Variants in TLE4 observed in about 807,000 individuals in gnomAD.
TLE4 encodes transducin-like enhancer protein 4.
Under a neutral mutation model 92.8 loss-of-function variants are expected in TLE4, and 8 were observed. That is an observed-to-expected ratio of 0.09 (90% CI 0.05 to 0.16). TLE4 has a LOEUF of 0.16. TLE4 is among the 10% of genes least tolerant of loss of function. The pLI is 1.00. For synonymous variants in TLE4, 371 were observed against 374.1 expected, an observed-to-expected ratio of 0.99 and a Z score of 0.10; for missense variants, 675 against 997.6, an observed-to-expected ratio of 0.68 and a Z score of 4.36.
intron 6 of TLE4, among the ~76,000 whole-genome samples, chr9:79,630,723 T>C (rs996724665): frequency 6.6e-6 from 1 of 152,220 alleles, no homozygotes; most frequent in Non-Finnish European, 1.5e-5. Flanking sequence ...TATTATTAAA[T>C]TGAGTCACCT....
intron 10 of TLE4, 136 bp from the exon 11 acceptor site, chr9:79,706,611 G>A: frequency 8.9e-7 from 1 of 1,119,292 alleles, no homozygotes; most frequent in Non-Finnish European, 1.2e-6. Context: ...GTTTCAGTGA[G>A]TATTGTTATC....
chr9:79,695,349 T>TCACA (rs66493129), intron 8 of TLE4, among the ~76,000 whole-genome samples: 4,531 of 41,112 alleles, frequency 0.11, 100 homozygotes, highest in Non-Finnish European at 0.19. Flanking sequence ...CAAATGCATA[T>TCACA]CTCACACACA....
intron 8 of TLE4, among the ~76,000 whole-genome samples, chr9:79,670,231 A>G (rs2062068414): frequency 6.6e-6 from 1 of 152,124 alleles, no homozygotes; most frequent in Non-Finnish European, 1.5e-5. Flanking sequence ...TGAGAAGACA[A>G]TAAGGCAAGA....
intron 6 of TLE4, among the ~76,000 whole-genome samples, chr9:79,645,710 C>A (rs2134031485): frequency 6.6e-6 from 1 of 152,240 alleles, no homozygotes; most frequent in South Asian, 2.1e-4. Context: ...TTTCAGACAT[C>A]ATTGCTATTT....
intron 6 of TLE4, among the ~76,000 whole-genome samples, chr9:79,641,755 T>C (rs987953932): frequency 4.6e-5 from 7 of 152,268 alleles, no homozygotes; most frequent in African/African-American, 1.4e-4. Flanking sequence ...AGGGTCCTAA[T>C]TGGGCAGCAG....
chr9:79,636,722 C>T (rs1405394307), intron 6 of TLE4, among the ~76,000 whole-genome samples: 1 of 152,136 alleles, frequency 6.6e-6, no homozygotes, highest in Non-Finnish European at 1.5e-5. Flanking sequence ...CGTCATTGCA[C>T]TTACCATTGA....
intron 6 of TLE4, chr9:79,649,916 G>GTTTTTT: frequency 1.1e-5 from 14 of 1,318,428 alleles, no homozygotes; most frequent in Non-Finnish European, 1.4e-5. Context: ...TTTGTTTTTT[G>GTTTTTT]TTTTTTGTTT....
At chr9:79,597,234 T>C (rs1028700239) in intron 4 of TLE4, among the ~76,000 whole-genome samples, 3 of 152,184 alleles carry the variant, frequency 2.0e-5, no homozygotes, top group Non-Finnish European at 2.9e-5. Context: ...CTAGAGGCTA[T>C]GGTGGTCTCC....
chr9:79,643,201 A>G (rs1034783852), intron 6 of TLE4, among the ~76,000 whole-genome samples: 3 of 152,210 alleles, frequency 2.0e-5, no homozygotes, highest in African/African-American at 4.8e-5. Context: ...CGGTTAACGT[A>G]TCGTCACTTT....
chr9:79,725,190 T>C lies in TLE4; in HGVS notation c.*46T>C, dbSNP rs772018176. 1.3e-5 allele frequency: 19 copies of C among 1,412,568 alleles called. No individual in the cohort carries two copies. The highest frequency in any genetic ancestry group is 1.9e-5 in the Non-Finnish European group (19 of 1,000,044). 87.5% of individuals were successfully genotyped at this position (1,412,568 alleles called of 1,614,324 possible). A position where few individuals can be genotyped will look rare whatever the true frequency, so the allele number is the denominator to read the frequency against. On this transcript the variant is annotated 3_prime_UTR_variant, in exon 20 of 20. Coordinates refer to ENST00000376552, the MANE Select transcript of TLE4 (RefSeq NM_007005.6). ...TGGACTTCTCCTCCTGGTAGCACTTTGCTCTGTCATCCTTTTTGTTCACCC... is the reference window on the plus strand; with the variant it reads ...TGGACTTCTCCTCCTGGTAGCACTTCGCTCTGTCATCCTTTTTGTTCACCC...
rs547212156 is a variant in TLE4, at chr9:79,687,806, A to G, written c.610-16977A>G. Among the ~76,000 whole-genome samples, 332 of 152,326 alleles carry G rather than the reference A, an allele frequency of 2.2e-3. 1 individual carries two copies. The highest frequency in any genetic ancestry group is 3.4e-3 in the Middle Eastern group (1 of 294). On this transcript the variant is annotated intron_variant, in intron 8 of 19. Transcript: ENST00000376552. ...AACTATCAGCCCTTTGTGACCTTGC[A>G]TGAGTTACTTCGTCCCCTAGGATTC...
chr9:79,573,401 C>T lies in TLE4; in HGVS notation c.46-288C>T, dbSNP rs746090136. On this transcript the variant is annotated intron_variant, in intron 1 of 19. Coordinates refer to ENST00000376552, the MANE Select transcript of TLE4 (RefSeq NM_007005.6). ...GAGGGAGTGGGCGCGGCGCGCGGGT[C>T]CCTGGGTGCCTGTCTTTGGCCGGGG... 15 of 1,194,070 alleles carry T rather than the reference C, an allele frequency of 1.3e-5. No individual in the cohort carries two copies. In the South Asian group the frequency reaches 2.7e-4, roughly 22 times the overall value. The allele number at this position is 1,194,070 out of a possible 1,614,324, so 74.0% of individuals were successfully genotyped here.
At chr9:79,707,383 G>A (rs907003493) in intron 11 of TLE4, among the ~76,000 whole-genome samples, 2 of 152,148 alleles carry the variant, frequency 1.3e-5, no homozygotes, top group African/African-American at 4.8e-5. Context: ...AAAATGAACT[G>A]CTCACCCATC....
chr9:79,687,965 G>C (rs2066237325), intron 8 of TLE4, among the ~76,000 whole-genome samples: 1 of 152,196 alleles, frequency 6.6e-6, no homozygotes, highest in African/African-American at 2.4e-5. Context: ...AAGCCCTCAG[G>C]AGATGCTGTT....
intron 19 of TLE4, among the ~76,000 whole-genome samples, 172 bp from the exon 20 acceptor site, chr9:79,724,848 TTAAAAAAAAAAAAAAAA>T (rs1565241403): frequency 8.8e-5 from 2 of 22,842 alleles, no homozygotes; most frequent in Non-Finnish European, 1.5e-4. Context: ...CCCTGTCTTA[TTAAAAAAAAAAAAAAAA>T]AAAAAAAAAA....
At chr9:79,707,359 A>C in intron 11 of TLE4, 1 of 701,090 alleles carries the variant, frequency 1.4e-6, no homozygotes, top group Non-Finnish European at 2.4e-6. Context: ...CTTACATCAC[A>C]AATCACAAAT....
chr9:79,695,808 G>A (rs2068110967), intron 8 of TLE4, among the ~76,000 whole-genome samples: 1 of 152,196 alleles, frequency 6.6e-6, no homozygotes, highest in South Asian at 2.1e-4. Context: ...AAAGATGCTA[G>A]CCACTCAGGC....
At chr9:79,587,151 AAATG>A (rs1297751947) in intron 4 of TLE4, among the ~76,000 whole-genome samples, 3 of 152,250 alleles carry the variant, frequency 2.0e-5, no homozygotes, top group Non-Finnish European at 2.9e-5. Context: ...ATAGTAGAAG[AAATG>A]AATGAATGAA....
chr9:79,683,727 C>T (rs1288074082), intron 8 of TLE4, among the ~76,000 whole-genome samples: 5 of 152,256 alleles, frequency 3.3e-5, no homozygotes, highest in East Asian at 3.9e-4. Flanking sequence ...CAGTTGAGAC[C>T]TAGAGTCAGA....
Sources: allele counts gnomAD v4.1 joint callset (sites outside exome capture counted in the v4.1 genomes callset), GRCh38; gene constraint gnomAD v4.1.1; transcripts MANE v1.5; gene names NCBI Gene and HGNC (gene_info 2026-07-23, HGNC 2026-07-21).